CAPZA2: variants seen among roughly 807,000 people sequenced by gnomAD.
The protein encoded by CAPZA2 is capping actin protein of muscle Z-line subunit alpha 2.
Under a neutral mutation model 44.0 loss-of-function variants are expected in CAPZA2, and 13 were observed. The observed-to-expected ratio is 0.30, with a 90% CI of 0.19 to 0.47. The LOEUF (loss-of-function observed/expected upper bound fraction) is 0.47. CAPZA2 is among the 20% of genes least tolerant of loss of function. CAPZA2 has a pLI of 1.00. For missense variants in CAPZA2, 244 were observed against 338.6 expected (o/e 0.72, Z 2.19); for synonymous variants, 94 against 108.2 (o/e 0.87, Z 0.81).
chr7:116,907,803 A>G (rs754563792), intron 6 of CAPZA2, among the ~76,000 whole-genome samples: 2 of 152,062 alleles, frequency 1.3e-5, no homozygotes, highest in African/African-American at 2.4e-5. Flanking sequence ...TATTCTCACT[A>G]TTTCACTTTA....
intron 3 of CAPZA2, among the ~76,000 whole-genome samples, chr7:116,898,432 C>T (rs1385827969): frequency 6.6e-6 from 1 of 152,082 alleles, no homozygotes; most frequent in Admixed American, 6.6e-5. Flanking sequence ...AGCACCTAGT[C>T]TGTTTCCTGG....
chr7:116,893,216 T>G (rs538191455), intron 3 of CAPZA2, among the ~76,000 whole-genome samples, 171 bp downstream of exon 3: 1 of 152,092 alleles, frequency 6.6e-6, no homozygotes, highest in Non-Finnish European at 1.5e-5. Flanking sequence ...CTGCAACCTC[T>G]GCCTCCCGGG....
chr7:116,889,928 C>A (rs1362983645), intron 2 of CAPZA2, among the ~76,000 whole-genome samples: 2 of 152,086 alleles, frequency 1.3e-5, no homozygotes, highest in Non-Finnish European at 2.9e-5. Context: ...TTTTAATATT[C>A]AGGTTCTGTA....
chr7:116,875,090 T>G (rs771459199), intron 1 of CAPZA2: 5 of 150,052 alleles, frequency 3.3e-5, no homozygotes, highest in Non-Finnish European at 7.4e-5. Context: ...ACCCCATCCC[T>G]CCCCCCACAA....
intron 1 of CAPZA2, among the ~76,000 whole-genome samples, chr7:116,862,877 G>C (rs1007927531): frequency 4.0e-5 from 6 of 151,888 alleles, no homozygotes; most frequent in African/African-American, 1.4e-4. Context: ...CTCCTTGTAG[G>C]GTGTGTACTC....
chr7:116,870,262 A>T (rs1562956232), intron 1 of CAPZA2, among the ~76,000 whole-genome samples: 1 of 152,210 alleles, frequency 6.6e-6, no homozygotes, highest in Non-Finnish European at 1.5e-5. Flanking sequence ...TTTAGAAGAT[A>T]GAAAAGCTAC....
At chr7:116,890,124 A>G (rs769639673) in intron 2 of CAPZA2, among the ~76,000 whole-genome samples, 1 of 152,188 alleles carries the variant, frequency 6.6e-6, no homozygotes, top group Admixed American at 6.5e-5. Context: ...TTTTCTACAT[A>G]CTTTTCTTAC....
intron 2 of CAPZA2, among the ~76,000 whole-genome samples, chr7:116,890,524 AAATAT>A (rs1796820356): frequency 2.0e-4 from 6 of 29,824 alleles, no homozygotes; most frequent in Non-Finnish European, 2.7e-4. Context: ...AAAAAAAAAA[AAATAT>A]ATATATATAT....
chr7:116,866,163 C>G (rs1050582169), intron 1 of CAPZA2, among the ~76,000 whole-genome samples: 7 of 151,518 alleles, frequency 4.6e-5, no homozygotes, highest in African/African-American at 1.7e-4. Context: ...AAGCTCTTAA[C>G]TTGCTATAGT....
intron 3 of CAPZA2, among the ~76,000 whole-genome samples, chr7:116,895,747 T>C (rs1796916950): frequency 6.6e-6 from 1 of 152,124 alleles, no homozygotes; most frequent in Admixed American, 6.5e-5. Context: ...GTTCATGTTG[T>C]AGACATCTCT....
At chr7:116,862,768 T>C in intron 1 of CAPZA2, 118 bp downstream of exon 1, 1 of 1,161,798 alleles carries the variant, frequency 8.6e-7, no homozygotes. Context: ...TGCCCTCGGC[T>C]GCCCTTCCTC....
Position 116,898,812 on chromosome 7 carries a change from A to G in CAPZA2, c.196A>G (p.Lys66Glu), listed in dbSNP as rs1562961566. ...QYNLDQFTPV[K>E]IEGYEDQVLI... ...TAACTTGGACCAGTTTACTCCAGTA[A>G]AAATTGAAGGTTATGAAGATCAGGT... Residue 66 changes from lysine (K) to glutamate (E), a missense_variant, in exon 4 of 10, where the codon AAA (lysine) becomes GAA (glutamate). Transcript: ENST00000361183. 5 of 1,598,992 alleles carry G rather than the reference A, an allele frequency of 3.1e-6. No homozygotes were observed. Among genetic ancestry groups the G allele is most frequent in the Non-Finnish European group, 4.3e-6 (5 of 1,169,160 alleles).
chr7:116,885,017 A>G (rs747838047), intron 1 of CAPZA2, among the ~76,000 whole-genome samples: 1 of 152,056 alleles, frequency 6.6e-6, no homozygotes, highest in Non-Finnish European at 1.5e-5. Context: ...CTTTTTGTGC[A>G]TTTATCTGTC....
intron 1 of CAPZA2, among the ~76,000 whole-genome samples, chr7:116,871,834 C>T (rs1220018497): frequency 6.6e-6 from 1 of 152,220 alleles, no homozygotes; most frequent in Non-Finnish European, 1.5e-5. Context: ...CTTATGTCTT[C>T]ACCATCTTTG....
chr7:116,906,590 A>G (rs1190895009), intron 6 of CAPZA2: 5 of 461,832 alleles, frequency 1.1e-5, no homozygotes, highest in Admixed American at 4.6e-5. Context: ...CTGAGGGAGC[A>G]TGTGTGCCTG....
chr7:116,901,863 G>C (rs1796998093), intron 4 of CAPZA2, among the ~76,000 whole-genome samples: 1 of 142,738 alleles, frequency 7.0e-6, no homozygotes, highest in Non-Finnish European at 1.5e-5. Flanking sequence ...AAAAAAACAT[G>C]CTTGAAATAA....
At chr7:116,863,069 C>G (rs1039402056) in intron 1 of CAPZA2, among the ~76,000 whole-genome samples, 3 of 152,092 alleles carry the variant, frequency 2.0e-5, no homozygotes, top group Non-Finnish European at 4.4e-5. Flanking sequence ...GGGCAGTGCC[C>G]AGCGCGGCGG....
chr7:116,862,902 G>A (rs1300387031), intron 1 of CAPZA2, among the ~76,000 whole-genome samples: 1 of 151,832 alleles, frequency 6.6e-6, no homozygotes, highest in Non-Finnish European at 1.5e-5. Context: ...AATAGGAAGC[G>A]GGAGCCGGGC....
chr7:116,895,239 A>C (rs1460920606), intron 3 of CAPZA2, among the ~76,000 whole-genome samples: 3 of 152,206 alleles, frequency 2.0e-5, no homozygotes, highest in African/African-American at 7.2e-5. Flanking sequence ...TTAAGTCAAG[A>C]AATGAGAAAC....
Sources: allele counts gnomAD v4.1 joint callset (sites outside exome capture counted in the v4.1 genomes callset), GRCh38; gene constraint gnomAD v4.1.1; transcripts MANE v1.5; gene names NCBI Gene and HGNC (gene_info 2026-07-23, HGNC 2026-07-21).